The following USP24 variants were observed in gnomAD, a reference collection of about 807,000 sequenced individuals.
The protein encoded by USP24 is ubiquitin specific peptidase 24, also known as ubiquitin carboxyl-terminal hydrolase 24.
Under a neutral mutation model 361.6 loss-of-function variants are expected in USP24, and 97 were observed. The ratio of observed to expected loss-of-function variants is 0.27; its 90% CI spans 0.23 to 0.32. USP24 has a LOEUF of 0.32. Ranked by LOEUF, USP24 falls within the 10% of genes least tolerant of loss-of-function variation. The pLI, the probability that USP24 is intolerant of heterozygous loss-of-function variation, is 1.00. For synonymous variants in USP24, 1,098 were observed against 1,124.6 expected (o/e 0.98, Z 0.47); for missense variants, 2,353 against 3,165.6 (o/e 0.74, Z 6.16).
Position 55,098,567 on chromosome 1 carries a change from A to T in USP24, c.5371-9T>A. Reference sequence around the variant, plus strand: ...TGGTCTCTCCCCATTTTCTGTTGGAATGAAAAGTTACAGTTTTAAGTGATG... The same window carrying T: ...TGGTCTCTCCCCATTTTCTGTTGGATTGAAAAGTTACAGTTTTAAGTGATG... On this transcript the variant is annotated splice_polypyrimidine_tract_variant and intron_variant, in intron 45 of 67. Transcript: ENST00000294383. 3.1e-6 allele frequency: 5 copies of T among 1,599,364 alleles called. No individual in the cohort carries two copies. The highest frequency in any genetic ancestry group is 4.3e-6 in the Non-Finnish European group (5 of 1,168,638).
intron 53 of USP24, 77 bp downstream of exon 53, chr1:55,092,744 G>A: frequency 9.3e-7 from 1 of 1,077,984 alleles, no homozygotes; most frequent in Non-Finnish European, 1.3e-6. Context: ...GACTGAGGAT[G>A]AATCACTGAA....
At chr1:55,211,760 C>T (rs1644851558) in intron 1 of USP24, among the ~76,000 whole-genome samples, 1 of 152,134 alleles carries the variant, frequency 6.6e-6, no homozygotes. Context: ...ATTGCTATCC[C>T]CAAACTACAA....
rs1423361538 is a variant in USP24 at position 55,215,081 on chromosome 1, C to A, written c.33G>T (p.Thr11=). 1 of 1,398,560 alleles carries A rather than the reference C, an allele frequency of 7.2e-7. No homozygotes were observed. Among genetic ancestry groups the A allele is most frequent in the South Asian group, 1.6e-5 (1 of 62,336 alleles). The allele number at this position is 1,398,560 out of a possible 1,614,324, so 86.6% of individuals were successfully genotyped here. A position where few individuals can be genotyped will look rare whatever the true frequency, so the allele number is the denominator to read the frequency against. Residue 11 remains threonine (T), a synonymous_variant, in exon 1 of 68, where the codon ACG becomes ACT. Transcript: ENST00000294383. ...GGTCTGAGAAGCCCATGCACAGCAGCGTGGTCATGTGCTGCTCCTCCTCCG... is the reference window on the plus strand; with the variant it reads ...GGTCTGAGAAGCCCATGCACAGCAGAGTGGTCATGTGCTGCTCCTCCTCCG... MESEEEQHMT[T]LLCMGFSDPA...
intron 64 of USP24, 72 bp downstream of exon 64, chr1:55,073,756 G>T: frequency 7.2e-7 from 1 of 1,391,614 alleles, no homozygotes. Flanking sequence ...CCGGGCACAT[G>T]TTCCCCTTCT....
chr1:55,167,887 C>G (rs561279539), intron 5 of USP24, among the ~76,000 whole-genome samples: 1 of 151,998 alleles, frequency 6.6e-6, no homozygotes, highest in Non-Finnish European at 1.5e-5. Flanking sequence ...TTCAGACACA[C>G]TAAGTTTGAG....
At chr1:55,073,035 T>C in intron 64 of USP24, 174 bp from the exon 65 acceptor site, 1 of 608,230 alleles carries the variant, frequency 1.6e-6, no homozygotes, top group East Asian at 2.9e-5. Context: ...TTACAATTGC[T>C]TCCCCCAGGG....
chr1:55,157,692 G>A (rs192364875), intron 10 of USP24, among the ~76,000 whole-genome samples: 103 of 152,106 alleles, frequency 6.8e-4, no homozygotes, highest in Middle Eastern at 3.4e-3. Flanking sequence ...AGATTAGCTG[G>A]GCGTAGTCGT....
intron 1 of USP24, among the ~76,000 whole-genome samples, chr1:55,201,041 C>T (rs1644558227): frequency 6.6e-6 from 1 of 152,084 alleles, no homozygotes; most frequent in Non-Finnish European, 1.5e-5. Context: ...TCCTTCCCAC[C>T]AACTGTAATA....
intron 38 of USP24, among the ~76,000 whole-genome samples, chr1:55,118,747 A>T (rs963760373): frequency 2.6e-5 from 4 of 152,240 alleles, no homozygotes; most frequent in Admixed American, 6.5e-5. Flanking sequence ...CAAAGGTCTT[A>T]AAATAGATGT....
At chr1:55,214,489 C>G (rs1207741272) in intron 1 of USP24, among the ~76,000 whole-genome samples, 1 of 152,062 alleles carries the variant, frequency 6.6e-6, no homozygotes, top group East Asian at 1.9e-4. Flanking sequence ...TCCTCCCCAT[C>G]GTCGGCGTGC....
chr1:55,176,237 T>TAG, intron 3 of USP24, 139 bp downstream of exon 3: 1 of 578,234 alleles, frequency 1.7e-6, no homozygotes, highest in Non-Finnish European at 2.9e-6. Context: ...TTTTTCATAT[T>TAG]AGAGGATTCC....
chr1:55,193,028 T>C (rs1056039025), intron 1 of USP24, among the ~76,000 whole-genome samples: 1 of 152,320 alleles, frequency 6.6e-6, no homozygotes, highest in African/African-American at 2.4e-5. Context: ...AAATGGATGG[T>C]TGCATTTGTA....
rs761337503 is a variant in USP24, at chr1:55,072,793, T to C, written c.7595A>G (p.Gln2532Arg). ...AATTCAATGTTCAGTTACCTTCTTC[T>C]GTAGCCACTGCACAGCCCAGCTCCA... ...HHWSWAVQWLQKKMSEHYWTP... is the reference protein window; with the variant it reads ...HHWSWAVQWLRKKMSEHYWTP... Residue 2532 changes from glutamine to arginine, a missense_variant, in exon 65 of 68, where the codon CAG becomes CGG. Coordinates refer to ENST00000294383, the MANE Select transcript of USP24 (RefSeq NM_015306.3). The C allele has an allele frequency of 2.5e-6, 4 of 1,600,742 alleles. No individual in the cohort carries two copies. In the South Asian group the frequency reaches 4.5e-5, roughly 18 times the overall value.
chr1:55,096,622 T>A lies in USP24; in HGVS notation c.5937A>T (p.Arg1979=). The A allele has an allele frequency of 1.9e-6, 3 of 1,603,774 alleles. No individual in the cohort carries two copies. Among genetic ancestry groups the A allele is most frequent in the Non-Finnish European group, 2.5e-6 (3 of 1,177,394 alleles). ...GHYYSFIKDR[R]GCGKGKWYKF... ...TATACCACTTTCCTTTTCCACACCC[T>A]CTAGAACCCAGAGATCAGACAAACA... The change falls in exon 50 of 68, where the codon CGA becomes CGT. Residue 1979 remains arginine (R), a splice_region_variant and synonymous_variant. Coordinates refer to ENST00000294383, the MANE Select transcript of USP24 (RefSeq NM_015306.3).
intron 42 of USP24, among the ~76,000 whole-genome samples, chr1:55,102,574 C>G (rs912196801): frequency 6.6e-6 from 1 of 152,064 alleles, no homozygotes; most frequent in African/African-American, 2.4e-5. Flanking sequence ...TTCTAGATCT[C>G]AAGGAATTCC....
At chr1:55,155,336 A>G (rs1419640847) in intron 12 of USP24, among the ~76,000 whole-genome samples, 1 of 152,190 alleles carries the variant, frequency 6.6e-6, no homozygotes, top group Non-Finnish European at 1.5e-5. Context: ...TGTCACTGTC[A>G]TGCCTCACTG....
intron 62 of USP24, 137 bp from the exon 63 acceptor site, chr1:55,075,660 CA>C: frequency 2.2e-6 from 1 of 446,868 alleles, no homozygotes; most frequent in African/African-American, 1.2e-4. Context: ...ACAACAACAA[CA>C]ACAACACCAC....
intron 1 of USP24, among the ~76,000 whole-genome samples, chr1:55,200,056 G>T (rs1644530342): frequency 6.6e-6 from 1 of 152,184 alleles, no homozygotes; most frequent in African/African-American, 2.4e-5. Context: ...GGGGATAACT[G>T]CCCCCATGAT....
intron 16 of USP24, among the ~76,000 whole-genome samples, chr1:55,149,760 T>C (rs978369254): frequency 6.6e-6 from 1 of 152,204 alleles, no homozygotes; most frequent in African/African-American, 2.4e-5. Context: ...ACAAAAGGTA[T>C]TTGTTCTTCT....
Sources: gnomAD v4.1 joint callset for allele counts (sites outside exome capture counted in the v4.1 genomes callset) on GRCh38, gnomAD v4.1.1 for gene constraint, MANE v1.5 for transcripts, NCBI Gene and HGNC (gene_info 2026-07-23, HGNC 2026-07-21) for gene names.